Variants in HPSE2 observed in about 807,000 individuals in gnomAD.
HPSE2 encodes heparanase 2 (inactive).
In HPSE2, 38 loss-of-function variants were observed where a neutral mutation model predicts 60.5. The observed-to-expected ratio is 0.63, with a 90% CI of 0.48 to 0.82. The LOEUF (loss-of-function observed/expected upper bound fraction) is 0.82, where lower values mean the gene tolerates loss of function less well. Among genes scored for constraint, HPSE2 ranks in the 40% least tolerant of loss-of-function variants. The pLI is 0.00. For missense variants in HPSE2, 713 were observed against 740.4 expected (o/e 0.96, Z 0.43); for synonymous variants, 295 against 293.2 (o/e 1.01, Z -0.06).
chr10:98,713,782 G>C (rs1264284496), intron 5 of HPSE2, among the ~76,000 whole-genome samples: 2 of 151,840 alleles, frequency 1.3e-5, no homozygotes, highest in Admixed American at 6.6e-5. Context: ...GCATACTTAA[G>C]AAAGTGCTGC....
chr10:98,877,063 T>C (rs1460579135), intron 3 of HPSE2, among the ~76,000 whole-genome samples: 1 of 151,918 alleles, frequency 6.6e-6, no homozygotes, highest in Non-Finnish European at 1.5e-5. Context: ...AAAAACATTT[T>C]TTGTTGTGAA....
intron 3 of HPSE2, among the ~76,000 whole-genome samples, chr10:98,910,710 A>G (rs1397215873): frequency 6.6e-6 from 1 of 152,142 alleles, no homozygotes. Flanking sequence ...TACATCACAT[A>G]CTGCATTTAA....
At chr10:98,698,560 C>T (rs1288767955) in intron 5 of HPSE2, among the ~76,000 whole-genome samples, 2 of 152,018 alleles carry the variant, frequency 1.3e-5, no homozygotes, top group African/African-American at 4.8e-5. Context: ...AATTGACACC[C>T]TAACATCCCA....
intron 2 of HPSE2, among the ~76,000 whole-genome samples, chr10:99,220,218 GAATT>G (rs745941206): frequency 3.9e-5 from 6 of 151,982 alleles, no homozygotes; most frequent in Non-Finnish European, 4.4e-5. Flanking sequence ...TACAGGGAAA[GAATT>G]AATTTAGATC....
intron 3 of HPSE2, among the ~76,000 whole-genome samples, chr10:98,854,546 A>T (rs905038619): frequency 2.6e-5 from 4 of 152,226 alleles, no homozygotes; most frequent in African/African-American, 9.6e-5. Context: ...TTTAATTGGC[A>T]TTCACCAAAC....
chr10:99,193,378 C>T (rs1217103938), intron 2 of HPSE2, among the ~76,000 whole-genome samples: 1 of 151,780 alleles, frequency 6.6e-6, no homozygotes, highest in Admixed American at 6.6e-5. Flanking sequence ...GAGAAGACTA[C>T]AAGACAAGTA....
intron 3 of HPSE2, among the ~76,000 whole-genome samples, chr10:99,103,139 T>C (rs1310017030): frequency 6.6e-6 from 1 of 152,020 alleles, no homozygotes; most frequent in African/African-American, 2.4e-5. Flanking sequence ...CCAGGGCAAT[T>C]AGGCAGGAGA....
chr10:98,502,730 A>G (rs1942066769), intron 9 of HPSE2, among the ~76,000 whole-genome samples: 1 of 152,246 alleles, frequency 6.6e-6, no homozygotes, highest in Non-Finnish European at 1.5e-5. Context: ...GCTTTTGCAC[A>G]CCAAAAGGAA....
At chr10:98,564,660 C>T (rs1316866510) in intron 9 of HPSE2, among the ~76,000 whole-genome samples, 5 of 152,176 alleles carry the variant, frequency 3.3e-5, no homozygotes, top group African/African-American at 7.2e-5. Context: ...TTACTACCTA[C>T]GTACCTCCTG....
chr10:98,912,120 T>C (rs1415468271), intron 3 of HPSE2, among the ~76,000 whole-genome samples: 2 of 152,174 alleles, frequency 1.3e-5, no homozygotes, highest in Non-Finnish European at 2.9e-5. Context: ...ATTTATGAGA[T>C]AATTACCATC....
intron 3 of HPSE2, among the ~76,000 whole-genome samples, chr10:98,876,108 A>G (rs1952869939): frequency 6.6e-6 from 1 of 151,942 alleles, no homozygotes; most frequent in Admixed American, 6.6e-5. Flanking sequence ...GAAAAATAAT[A>G]TAGTATGAAG....
At chr10:98,771,823 G>T (rs1313851062) in intron 3 of HPSE2, among the ~76,000 whole-genome samples, 1 of 152,188 alleles carries the variant, frequency 6.6e-6, no homozygotes, top group African/African-American at 2.4e-5. Flanking sequence ...TAATAGCCAT[G>T]TTGAGCAACG....
chr10:98,736,608 A>T (rs960539883), intron 4 of HPSE2, among the ~76,000 whole-genome samples: 18 of 152,204 alleles, frequency 1.2e-4, no homozygotes, highest in Non-Finnish European at 2.6e-4. Context: ...TTATACTTTT[A>T]TTATATATTA....
intron 5 of HPSE2, among the ~76,000 whole-genome samples, chr10:98,708,089 A>G (rs1565098006): frequency 6.6e-6 from 1 of 152,168 alleles, no homozygotes; most frequent in Admixed American, 6.5e-5. Context: ...GAAAAAAATT[A>G]AAGTCACAGA....
At chr10:99,147,120 G>A (rs1428338031) in intron 2 of HPSE2, among the ~76,000 whole-genome samples, 5 of 152,018 alleles carry the variant, frequency 3.3e-5, no homozygotes, top group East Asian at 1.9e-4. Context: ...TCTTAAATAC[G>A]ACGAAACTGA....
chr10:98,690,402 G>A (rs575417544), intron 6 of HPSE2, among the ~76,000 whole-genome samples: 53 of 152,228 alleles, frequency 3.5e-4, no homozygotes, highest in Non-Finnish European at 5.7e-4. Flanking sequence ...TTAGCCTGGC[G>A]TGGTGGTGGG....
rs573324120 is a variant in HPSE2 at position 98,927,032 on chromosome 10, A to C, written c.611-182976T>G. On this transcript the variant is annotated intron_variant, in intron 3 of 11. Transcript: ENST00000370552. ...GCTGAGGAGAGCTTTACTTCCAAGT[A>C]TGTGGCCAATTTTGGAATAGGCGTG... Among the ~76,000 whole-genome samples the C allele has an allele frequency of 2.6e-5, 4 of 152,290 alleles. No individual in the cohort carries two copies. In the East Asian group the frequency reaches 7.7e-4, roughly 29 times the overall value.
intron 3 of HPSE2, among the ~76,000 whole-genome samples, chr10:98,891,585 A>T (rs1023525421): frequency 6.6e-6 from 1 of 151,544 alleles, no homozygotes; most frequent in Non-Finnish European, 1.5e-5. Context: ...AGTAGCTAGG[A>T]CTATTAGGCA....
At chr10:98,782,902 C>CTGTT (rs1405723065) in intron 3 of HPSE2, among the ~76,000 whole-genome samples, 4 of 43,906 alleles carry the variant, frequency 9.1e-5, no homozygotes, top group Admixed American at 1.8e-4. Flanking sequence ...GTCTACTTCC[C>CTGTT]TGTTTGTTTA....
Sources: gnomAD v4.1 joint callset for allele counts (sites outside exome capture counted in the v4.1 genomes callset) on GRCh38, gnomAD v4.1.1 for gene constraint, MANE v1.5 for transcripts, NCBI Gene and HGNC (gene_info 2026-07-23, HGNC 2026-07-21) for gene names.